NSUN6: variants seen among roughly 807,000 people sequenced by gnomAD.
NSUN6 encodes NOP2/Sun RNA methyltransferase 6.
A neutral mutation model predicts 58.0 loss-of-function variants in NSUN6; 64 were observed. The observed-to-expected ratio is 1.10, with a 90% CI of 0.90 to 1.36. The LOEUF is 1.36. Ranked by LOEUF, NSUN6 falls within the 40% of genes most tolerant of loss-of-function variation. NSUN6 has a pLI of 0.00. For missense variants in NSUN6, 701 were observed against 550.1 expected (o/e 1.27, Z -2.74); for synonymous variants, 231 against 193.9 (o/e 1.19, Z -1.59).
intron 8 of NSUN6, among the ~76,000 whole-genome samples, chr10:18,581,869 T>A (rs1009513901): frequency 6.6e-6 from 1 of 152,018 alleles, no homozygotes; most frequent in South Asian, 2.1e-4. Context: ...GGCTGCTCTA[T>A]GAAGCAGTCA....
Position 18,547,006 on chromosome 10 carries a change from A to C in NSUN6, c.1198-861T>G, listed in dbSNP as rs567756470. On this transcript the variant is annotated intron_variant, in intron 10 of 10. Coordinates refer to ENST00000377304, the MANE Select transcript of NSUN6 (RefSeq NM_182543.5). ...CAGAAAAAATTCAGCTTTATTTAAC[A>C]GTTTCCAAAACTGAAAGGTGGTCTT... Among the ~76,000 whole-genome samples, 9 of 152,332 alleles carry C rather than the reference A, an allele frequency of 5.9e-5. No homozygotes were observed. The South Asian group carries it at 1.7e-3, about 28-fold the overall frequency.
At chr10:18,575,772 G>A (rs537003025) in intron 8 of NSUN6, among the ~76,000 whole-genome samples, 2 of 152,260 alleles carry the variant, frequency 1.3e-5, no homozygotes, top group South Asian at 4.1e-4. Flanking sequence ...TCTATGGATT[G>A]CCTTATTTAC....
chr10:18,658,712 T>C (rs1390377789), upstream of NSUN6: 1 of 954,160 alleles, frequency 1.0e-6, no homozygotes, highest in Non-Finnish European at 1.2e-6. Context: ...GAACTAAGAA[T>C]CACGACAGGG....
At chr10:18,577,076 T>C (rs7082094) in intron 8 of NSUN6, among the ~76,000 whole-genome samples, 92,829 of 151,912 alleles carry the variant, frequency 0.61, 28,778 homozygotes, top group East Asian at 0.97. Flanking sequence ...GGATACACTA[T>C]ATCTATTACA....
At chr10:18,616,072 C>A in intron 4 of NSUN6, 112 bp downstream of exon 4, 2 of 645,160 alleles carry the variant, frequency 3.1e-6, no homozygotes, top group Non-Finnish European at 5.4e-6. Context: ...GGAAAAATAC[C>A]CGACCAAGAA....
chr10:18,583,356 G>C (rs546371580), intron 8 of NSUN6, among the ~76,000 whole-genome samples: 4 of 152,092 alleles, frequency 2.6e-5, no homozygotes, highest in Non-Finnish European at 5.9e-5. Flanking sequence ...GCACCCAGGT[G>C]AATTAAAAGC....
At chr10:18,657,784 T>A (rs2059793643), upstream of NSUN6, among the ~76,000 whole-genome samples, 1 of 152,064 alleles carries the variant, frequency 6.6e-6, no homozygotes, top group Non-Finnish European at 1.5e-5. Flanking sequence ...CGGCTAATTT[T>A]TGTATTTTTA....
chr10:18,637,431 G>C (rs1209669590), intron 3 of NSUN6, among the ~76,000 whole-genome samples: 1 of 152,206 alleles, frequency 6.6e-6, no homozygotes, highest in Non-Finnish European at 1.5e-5. Context: ...CCACATAAAA[G>C]TAAGTATTGA....
chr10:18,606,212 C>A (rs1281872173), intron 6 of NSUN6, among the ~76,000 whole-genome samples: 3 of 152,174 alleles, frequency 2.0e-5, no homozygotes, highest in African/African-American at 7.2e-5. Context: ...ACAGCAGATT[C>A]CTGTAGGCCT....
intron 8 of NSUN6, among the ~76,000 whole-genome samples, chr10:18,556,406 GGGAGAATGGAATGGAAT>G (rs1251840373): frequency 7.0e-6 from 1 of 143,024 alleles, no homozygotes; most frequent in Non-Finnish European, 1.5e-5. Flanking sequence ...GAAAACAGAA[GGGAGAATGGAATGGAAT>G]GGAGAACTGA....
chr10:18,608,322 TTTCTC>T (rs1215110467), intron 6 of NSUN6, among the ~76,000 whole-genome samples: 1 of 138,412 alleles, frequency 7.2e-6, no homozygotes, highest in Admixed American at 7.1e-5. Flanking sequence ...CTATACTAGA[TTTCTC>T]TTTTTATAAA....
intron 8 of NSUN6, among the ~76,000 whole-genome samples, chr10:18,569,317 T>C (rs2056196696): frequency 6.6e-6 from 1 of 151,190 alleles, no homozygotes; most frequent in Non-Finnish European, 1.5e-5. Context: ...CTCCACTCCA[T>C]TGTATTCACC....
intron 3 of NSUN6, among the ~76,000 whole-genome samples, chr10:18,630,517 TAAAG>T (rs1261874805): frequency 6.6e-6 from 1 of 150,634 alleles, no homozygotes; most frequent in African/African-American, 2.4e-5. Flanking sequence ...GCAAGACTAA[TAAAG>T]AAAAAAAGAG....
rs367692015 is a variant in NSUN6, at chr10:18,585,943, G to A, written c.922+6C>T. The A allele has an allele frequency of 3.7e-5, 58 of 1,580,638 alleles. No individual in the cohort carries two copies. The Middle Eastern group carries it at 6.8e-4, about 18-fold the overall frequency. ...AATTAAAAATAAGAAAATCAAAATA[G>A]CTCACCTTCTGTGTCCTCCACCATA... On this transcript the variant is annotated splice_donor_region_variant and intron_variant, in intron 8 of 10. Coordinates refer to ENST00000377304, the MANE Select transcript of NSUN6 (RefSeq NM_182543.5).
At chr10:18,654,954 G>T, upstream of NSUN6, 1 of 361,228 alleles carries the variant, frequency 2.8e-6, no homozygotes, top group Non-Finnish European at 3.9e-6. Flanking sequence ...ATACTGCCAG[G>T]ATTAAACAAA....
At chr10:18,612,934 C>T (rs1258745435) in intron 5 of NSUN6, among the ~76,000 whole-genome samples, 2 of 152,124 alleles carry the variant, frequency 1.3e-5, no homozygotes, top group Admixed American at 6.6e-5. Context: ...AATTCACTAA[C>T]TGAATAGCAA....
At chr10:18,566,574 T>C (rs567227499) in intron 8 of NSUN6, among the ~76,000 whole-genome samples, 3 of 150,612 alleles carry the variant, frequency 2.0e-5, no homozygotes, top group Admixed American at 6.6e-5. Context: ...TTCCATTCTA[T>C]TGCATTCTAC....
rs2056303357 is a variant in NSUN6, at chr10:18,570,693, AT to A, written c.922+15255del. Among the ~76,000 whole-genome samples the A allele has an allele frequency of 3.2e-5, 3 of 93,964 alleles. No homozygotes were observed. The Admixed American group carries it at 4.0e-4, about 13-fold the overall frequency. 61.6% of individuals were successfully genotyped at this position (93,964 alleles called of 152,430 possible). A position where few individuals can be genotyped will look rare whatever the true frequency, so the allele number is the denominator to read the frequency against. On this transcript the variant is annotated intron_variant, in intron 8 of 10. Coordinates refer to ENST00000377304, the MANE Select transcript of NSUN6 (RefSeq NM_182543.5). ...TATTCTCCATTCCATTTCATGCTCC[AT>A]TCCATTCCATTCTCTATTCCATTCC... is the stretch of plus-strand genomic sequence containing the variant.
At chr10:18,617,191 T>G (rs1046394397) in intron 3 of NSUN6, among the ~76,000 whole-genome samples, 2 of 150,966 alleles carry the variant, frequency 1.3e-5, no homozygotes, top group Non-Finnish European at 1.5e-5. Context: ...TCTAGTTTTT[T>G]TTTTTTTTTT....
Sources: gnomAD v4.1 joint callset for allele counts (sites outside exome capture counted in the v4.1 genomes callset) on GRCh38, gnomAD v4.1.1 for gene constraint, MANE v1.5 for transcripts, NCBI Gene and HGNC (gene_info 2026-07-23, HGNC 2026-07-21) for gene names.